YBEY: variants seen among roughly 807,000 people sequenced by gnomAD.
The protein encoded by YBEY is ybeY metalloendoribonuclease.
A neutral mutation model predicts 13.5 loss-of-function variants in YBEY; 15 were observed. That is an observed-to-expected ratio of 1.11 (90% confidence interval 0.75 to 1.72). The LOEUF (loss-of-function observed/expected upper bound fraction) is 1.72, where lower values mean the gene tolerates loss of function less well. Among genes scored for constraint, YBEY ranks in the 40% most tolerant of loss-of-function variants. YBEY has a pLI of 0.00. For missense variants in YBEY, 244 were observed against 208.4 expected, an observed-to-expected ratio of 1.17 and a Z score of -1.05; for synonymous variants, 101 against 83.1, an observed-to-expected ratio of 1.21 and a Z score of -1.17.
the YBEY span, among the ~76,000 whole-genome samples, chr21:46,308,631 A>G: frequency 6.6e-6 from 1 of 151,966 alleles, no homozygotes; most frequent in Non-Finnish European, 1.5e-5. Context: ...CTGTGGTTGG[A>G]ACTTAATCCT....
the YBEY span, among the ~76,000 whole-genome samples, chr21:46,303,592 C>T: frequency 6.7e-6 from 1 of 148,742 alleles, no homozygotes; most frequent in Non-Finnish European, 1.5e-5. Context: ...TGGCTCATGC[C>T]TGTGATGCTC....
chr21:46,306,246 C>T, the YBEY span, among the ~76,000 whole-genome samples: 13 of 152,190 alleles, frequency 8.5e-5, no homozygotes, highest in East Asian at 2.3e-3. Context: ...TGGTGGCTCA[C>T]GCCTGTAATC....
At chr21:46,306,023 C>T in the YBEY span, among the ~76,000 whole-genome samples, 3 of 150,114 alleles carry the variant, frequency 2.0e-5, no homozygotes, top group East Asian at 2.0e-4. Context: ...TCGCTTGAGG[C>T]CAGGAGTTTT....
At position 46,289,453 on chromosome 21, in the gene YBEY, T is replaced by TTG. The variant is rs1555918306; in HGVS notation, c.211-1880_211-1879insGT. ...AAGGAAGGCAAGGGTTTTGTTTTTT[T>TTG]TTTTTTTTTTGAGACGGAGGCTTGC... On this transcript the variant is annotated intron_variant, in intron 2 of 4. Coordinates refer to ENST00000397701, the MANE Select transcript of YBEY (RefSeq NM_001314025.2). 2.9e-5 allele frequency among the ~76,000 whole-genome samples: 4 copies of TTG among 139,218 alleles called. No homozygotes were observed. The Admixed American group carries it at 3.0e-4, about 11-fold the overall frequency. 91.3% of individuals were successfully genotyped at this position (139,218 alleles called of 152,430 possible). A position where few individuals can be genotyped will look rare whatever the true frequency, so the allele number is the denominator to read the frequency against.
At chr21:46,309,824 G>A in the YBEY span, among the ~76,000 whole-genome samples, 5 of 151,434 alleles carry the variant, frequency 3.3e-5, no homozygotes, top group South Asian at 2.1e-4. Flanking sequence ...GTGAAACCCC[G>A]TCTCTATTAA....
At chr21:46,298,978 T>C (rs1255664652), downstream of YBEY, among the ~76,000 whole-genome samples, 1 of 151,316 alleles carries the variant, frequency 6.6e-6, no homozygotes, top group Non-Finnish European at 1.5e-5. Flanking sequence ...CGCCTCAGCC[T>C]CCCAAAGTGC....
chr21:46,306,499 G>GA, the YBEY span, among the ~76,000 whole-genome samples: 431 of 149,396 alleles, frequency 2.9e-3, 2 homozygotes, highest in African/African-American at 9.7e-3. Flanking sequence ...CTCCCATCTC[G>GA]AAAAAAAAAA....
At position 46,291,659 on chromosome 21, in the gene YBEY, G is replaced by T. The variant is rs79887423; in HGVS notation, c.339+197G>T. 2,417 of 1,370,444 alleles carry T rather than the reference G, an allele frequency of 1.8e-3. 41 individuals carry two copies. The African/African-American group carries it at 0.028, about 16-fold the overall frequency. The allele number at this position is 1,370,444 out of a possible 1,614,324, so 84.9% of individuals were successfully genotyped here. On this transcript the variant is annotated intron_variant, in intron 3 of 4. Transcript: ENST00000397701. Reference sequence around the variant, plus strand: ...CCCCATGCCACAGTTGAAGGAGGGAGAGAACACGCTGTGAAAACACAGAAG... The same window carrying T: ...CCCCATGCCACAGTTGAAGGAGGGATAGAACACGCTGTGAAAACACAGAAG...
At chr21:46,300,126 A>T (rs1240920365), downstream of YBEY, 4 of 152,352 alleles carry the variant, frequency 2.6e-5, no homozygotes, top group African/African-American at 9.6e-5. Flanking sequence ...TGTATGAAAA[A>T]TTCTGTTGAG....
At chr21:46,303,703 C>T in the YBEY span, among the ~76,000 whole-genome samples, 1 of 55,156 alleles carries the variant, frequency 1.8e-5, no homozygotes, top group Non-Finnish European at 3.9e-5. Flanking sequence ...CACACACACA[C>T]ACAAAATATA....
rs185525457 is a variant in YBEY, at chr21:46,287,649, A to G, written c.210+526A>G. 2.0e-5 allele frequency among the ~76,000 whole-genome samples: 3 copies of G among 152,310 alleles called. No individual in the cohort carries two copies. In the East Asian group the frequency reaches 5.8e-4, roughly 29 times the overall value. The stretch of plus-strand genomic sequence containing the variant: ...CAGTATATTCAGCCTCCACTGATCG[A>G]GGCCCATCACCCAGAGTCTACAATT... On this transcript the variant is annotated intron_variant, in intron 2 of 4. Coordinates refer to ENST00000397701, the MANE Select transcript of YBEY (RefSeq NM_001314025.2).
chr21:46,307,906 T>C, the YBEY span, among the ~76,000 whole-genome samples: 1 of 152,198 alleles, frequency 6.6e-6, no homozygotes, highest in Non-Finnish European at 1.5e-5. Context: ...CCATACCACA[T>C]GTTGCCAAGG....
At chr21:46,309,779 G>A in the YBEY span, among the ~76,000 whole-genome samples, 1 of 151,982 alleles carries the variant, frequency 6.6e-6, no homozygotes, top group Non-Finnish European at 1.5e-5. Context: ...GGTGGATCAT[G>A]AGGTCAGGAG....
At chr21:46,287,719 G>C (rs952207121) in intron 2 of YBEY, among the ~76,000 whole-genome samples, 7 of 152,102 alleles carry the variant, frequency 4.6e-5, no homozygotes, top group African/African-American at 1.7e-4. Flanking sequence ...AGCCGAGCGC[G>C]ATGGCTCATA....
Position 46,286,935 on chromosome 21 carries a change from C to T in YBEY, c.22C>T (p.Leu8=), listed in dbSNP as rs760535515. The T allele has an allele frequency of 2.5e-6, 4 of 1,613,946 alleles. No homozygotes were observed. Among genetic ancestry groups the T allele is most frequent in the Non-Finnish European group, 3.4e-6 (4 of 1,179,994 alleles). ...TGAAATGAGTTTGGTGATTAGAAAT[C>T]TGCAGCGAGTCATCCCCATCAGGAG... is the stretch of plus-strand genomic sequence containing the variant. MSLVIRN[L]QRVIPIRRAP... Residue 8 remains leucine, a synonymous_variant, in exon 2 of 5, where the codon CTG becomes TTG. Coordinates refer to ENST00000397701, the MANE Select transcript of YBEY (RefSeq NM_001314025.2).
chr21:46,301,336 G>A (rs8129883), downstream of YBEY: 192 of 343,648 alleles, frequency 5.6e-4, 1 homozygote, highest in African/African-American at 3.5e-3. Flanking sequence ...TTGTAGAGAC[G>A]GGGTCTTGCT....
chr21:46,296,396 C>T (rs921763801), intron 4 of YBEY, among the ~76,000 whole-genome samples, 166 bp downstream of exon 4: 22 of 152,242 alleles, frequency 1.4e-4, no homozygotes, highest in Admixed American at 7.8e-4. Flanking sequence ...ACCGGGCTCC[C>T]CAAATACTTC....
chr21:46,309,533 C>G, the YBEY span, among the ~76,000 whole-genome samples: 5 of 151,978 alleles, frequency 3.3e-5, no homozygotes, highest in Admixed American at 3.3e-4. Context: ...CATCCACCAA[C>G]AGGTGAATGC....
downstream of YBEY, chr21:46,300,772 C>G (rs1432609309): frequency 7.8e-7 from 1 of 1,289,290 alleles, no homozygotes; most frequent in Non-Finnish European, 1.0e-6. Flanking sequence ...TTGTGCGGAA[C>G]TTCAGGAATG....
Sources: allele counts gnomAD v4.1 joint callset (sites outside exome capture counted in the v4.1 genomes callset), GRCh38; gene constraint gnomAD v4.1.1; transcripts MANE v1.5; gene names NCBI Gene and HGNC (gene_info 2026-07-23, HGNC 2026-07-21).